MRS2: variants seen among roughly 807,000 people sequenced by gnomAD.
MRS2 encodes magnesium transporter MRS2 homolog, mitochondrial.
MRS2 carries 40 observed loss-of-function variants against 52.6 expected under a neutral mutation model. The observed-to-expected ratio is 0.76, with a 90% confidence interval of 0.59 to 0.99. The LOEUF (loss-of-function observed/expected upper bound fraction) is 0.99. MRS2 is among the 50% of genes least tolerant of loss of function. The pLI is 0.00. For missense variants in MRS2, 472 were observed against 532.7 expected, an observed-to-expected ratio of 0.89 and a Z score of 1.12; for synonymous variants, 193 against 195.9, an observed-to-expected ratio of 0.98 and a Z score of 0.13.
chr6:24,423,751 ACT>A lies in MRS2; in HGVS notation c.*60_*61del, dbSNP rs1285159735. 3.8e-6 allele frequency: 3 copies of A among 781,694 alleles called. No individual in the cohort carries two copies. The highest frequency in any genetic ancestry group is 2.6e-5 in the East Asian group (1 of 38,030). The allele number at this position is 781,694 out of a possible 1,614,324, so 48.4% of individuals were successfully genotyped here. ...ATGGTAGTTACAGGAAACTTCTGAT[ACT>A]CTTTTTATTATTTTCTTGTATAGAG... On this transcript the variant is annotated 3_prime_UTR_variant, in exon 11 of 11. Coordinates refer to ENST00000378386, the MANE Select transcript of MRS2 (RefSeq NM_020662.4).
Position 24,405,738 on chromosome 6 carries a change from G to A in MRS2, c.264+497G>A, listed in dbSNP as rs758582158. 2.7e-5 allele frequency among the ~76,000 whole-genome samples: 4 copies of A among 146,572 alleles called. No individual in the cohort carries two copies. The East Asian group carries it at 6.1e-4, about 22-fold the overall frequency. On this transcript the variant is annotated intron_variant, in intron 2 of 10. Coordinates refer to ENST00000378386, the MANE Select transcript of MRS2 (RefSeq NM_020662.4). ...GTGACTCTAGGTGAAAGCTCTATGGGAATTGGTTGTAATATTCTTGCAACT... is the reference window on the plus strand; with the variant it reads ...GTGACTCTAGGTGAAAGCTCTATGGAAATTGGTTGTAATATTCTTGCAACT...
intron 2 of MRS2, among the ~76,000 whole-genome samples, chr6:24,405,734 A>G (rs912368330): frequency 1.5e-4 from 22 of 143,760 alleles, no homozygotes; most frequent in Non-Finnish European, 2.8e-4. Context: ...TGAAAGCTCT[A>G]TGGGAATTGG....
intron 9 of MRS2, among the ~76,000 whole-genome samples, chr6:24,419,788 T>C (rs1761981056): frequency 6.6e-6 from 1 of 152,244 alleles, no homozygotes; most frequent in South Asian, 2.1e-4. Flanking sequence ...CCAAAGTCTG[T>C]GGGTATTCAA....
chr6:24,409,607 A>G, intron 4 of MRS2, 34 bp downstream of exon 4: 3 of 1,313,320 alleles, frequency 2.3e-6, no homozygotes, highest in Non-Finnish European at 3.2e-6. Context: ...TGTTTCTCCA[A>G]TACAATCTTA....
chr6:24,423,588 C>T lies in MRS2; in HGVS notation c.1226C>T (p.Ala409Val), dbSNP rs1226276273. 6.3e-7 allele frequency: 1 copy of T among 1,577,134 alleles called. No homozygotes were observed. The highest frequency in any genetic ancestry group is 2.2e-5 in the East Asian group (1 of 44,630). Residue 409 changes from alanine (A) to valine (V), a missense_variant, in exon 11 of 11, where the codon GCT (alanine) becomes GTT (valine). Coordinates refer to ENST00000378386, the MANE Select transcript of MRS2 (RefSeq NM_020662.4). ...QLEAPLPPMM[A>V]SLPKKTLLAD... ...TAATACTTCTGCTTTATTTAGATGGCTTCTTTACCTAAAAAGACTCTTCTG... is the reference window on the plus strand; with the variant it reads ...TAATACTTCTGCTTTATTTAGATGGTTTCTTTACCTAAAAAGACTCTTCTG...
rs777849756 is a variant in MRS2, at chr6:24,423,074, G to A, written c.1221+24G>A. The A allele has an allele frequency of 1.8e-5, 28 of 1,582,828 alleles. No individual in the cohort carries two copies. In the Admixed American group the frequency reaches 3.2e-4, roughly 18 times the overall value. On this transcript the variant is annotated intron_variant, in intron 10 of 10. Transcript: ENST00000378386. ...TGGTATGAAGGATATGGTTCACGGC[G>A]GTATTGTGGAAGGGTTATGATCATG...
rs759563418 is a variant in MRS2, at chr6:24,405,249, T to C, written c.264+8T>C. 2 of 1,603,296 alleles carry C rather than the reference T, an allele frequency of 1.2e-6. No homozygotes were observed. The highest frequency in any genetic ancestry group is 1.7e-4 in the Middle Eastern group (1 of 6,044). On this transcript the variant is annotated splice_region_variant and intron_variant, in intron 2 of 10. Transcript: ENST00000378386. ...GCCCCAGTATTTACTGTGGTGAGTA[T>C]GTACAGTACATTGGAAATCGTACAG...
At chr6:24,408,525 A>G in intron 3 of MRS2, 81 bp downstream of exon 3, 1 of 1,041,534 alleles carries the variant, frequency 9.6e-7, no homozygotes, top group Non-Finnish European at 1.5e-6. Context: ...TAGTATTTTG[A>G]GTAAAATATT....
At chr6:24,423,366 A>G (rs1054862) in intron 10 of MRS2, 66,858 of 487,302 alleles carry the variant, frequency 0.14, 5,473 homozygotes, top group Middle Eastern at 0.16. Flanking sequence ...GTTTGTCATA[A>G]CCAAATGGAA....
intron 5 of MRS2, among the ~76,000 whole-genome samples, chr6:24,414,768 G>A (rs548718263): frequency 8.5e-5 from 13 of 152,288 alleles, no homozygotes; most frequent in East Asian, 3.9e-4. Flanking sequence ...GCGGCTGGCC[G>A]GGCGGGAGGA....
chr6:24,419,075 A>G (rs1308362194), intron 9 of MRS2: 1 of 154,560 alleles, frequency 6.5e-6, no homozygotes, highest in African/African-American at 2.4e-5. Flanking sequence ...GTCTCTACTA[A>G]AAATACAAAA....
chr6:24,407,535 C>A (rs1401090610), intron 2 of MRS2, among the ~76,000 whole-genome samples: 1 of 152,174 alleles, frequency 6.6e-6, no homozygotes, highest in Non-Finnish European at 1.5e-5. Flanking sequence ...TTAAATGTTT[C>A]ACAGCTTCAA....
chr6:24,420,297 A>AAGTT (rs1290281955), intron 9 of MRS2, among the ~76,000 whole-genome samples: 2 of 152,130 alleles, frequency 1.3e-5, no homozygotes, highest in Non-Finnish European at 1.5e-5. Flanking sequence ...TGGCCCAGTA[A>AAGTT]AGTTACTTTG....
chr6:24,414,504 A>G (rs898333916), intron 5 of MRS2, among the ~76,000 whole-genome samples: 35 of 147,538 alleles, frequency 2.4e-4, no homozygotes, highest in African/African-American at 4.0e-4. Flanking sequence ...AGGCAGAAGA[A>G]TTTTTCTTAG....
At chr6:24,419,503 T>C (rs186236053) in intron 9 of MRS2, among the ~76,000 whole-genome samples, 1 of 152,216 alleles carries the variant, frequency 6.6e-6, no homozygotes, top group South Asian at 2.1e-4. Context: ...TTGCATACTT[T>C]ATTTGGCTCA....
intron 7 of MRS2, 141 bp from the exon 8 acceptor site, chr6:24,417,940 CAAA>C (rs61690921): frequency 1.0e-4 from 52 of 518,478 alleles, no homozygotes; most frequent in South Asian, 2.5e-4. Context: ...AACTCCATCT[CAAA>C]AAAAAAAAAA....
Position 24,412,263 on chromosome 6 carries a change from A to G in MRS2, c.456A>G (p.Leu152=). Residue 152 remains leucine, a synonymous_variant, in exon 5 of 11, where the codon TTA becomes TTG. Transcript: ENST00000378386. Reference sequence around the variant, plus strand: ...TAACTCCAGAGTGTCTTCTGATATTAGATTATCGTAATTTAAACTTAGAGC... The same window carrying G: ...TAACTCCAGAGTGTCTTCTGATATTGGATTATCGTAATTTAAACTTAGAGC... ...AVITPECLLI[L]DYRNLNLEQW... is the part of the protein sequence containing the mutation. 6.3e-7 allele frequency: 1 copy of G among 1,597,358 alleles called. No individual in the cohort carries two copies. The highest frequency in any genetic ancestry group is 8.5e-7 in the Non-Finnish European group (1 of 1,174,312).
intron 2 of MRS2, among the ~76,000 whole-genome samples, chr6:24,405,788 C>T (rs200719782): frequency 3.3e-3 from 157 of 48,084 alleles, no homozygotes; most frequent in East Asian, 5.3e-3. Flanking sequence ...TTTTTTTTTT[C>T]CAAAAAAAAA....
At chr6:24,404,304 C>T (rs1196421138) in intron 1 of MRS2, among the ~76,000 whole-genome samples, 1 of 152,174 alleles carries the variant, frequency 6.6e-6, no homozygotes, top group Non-Finnish European at 1.5e-5. Flanking sequence ...TAATTTGTGA[C>T]ATTAAAACAT....
Sources: allele counts gnomAD v4.1 joint callset (sites outside exome capture counted in the v4.1 genomes callset), GRCh38; gene constraint gnomAD v4.1.1; transcripts MANE v1.5; gene names NCBI Gene and HGNC (gene_info 2026-07-23, HGNC 2026-07-21).